Variants in ANKRD28 observed in about 807,000 individuals in gnomAD.
ANKRD28 encodes the protein serine/threonine-protein phosphatase 6 regulatory ankyrin repeat subunit A.
Under a neutral mutation model 126.5 loss-of-function variants are expected in ANKRD28, and 44 were observed. The ratio of observed to expected loss-of-function variants is 0.35; its 90% confidence interval spans 0.27 to 0.45. The LOEUF (loss-of-function observed/expected upper bound fraction) is 0.45. Ranked by LOEUF, ANKRD28 falls within the 20% of genes least tolerant of loss-of-function variation. The pLI is 1.00. For synonymous variants in ANKRD28, 442 were observed against 468.5 expected, an observed-to-expected ratio of 0.94 and a Z score of 0.73; for missense variants, 1,110 against 1,316.6, an observed-to-expected ratio of 0.84 and a Z score of 2.43.
At chr3:15,741,697 C>CTTT (rs58655271) in intron 4 of ANKRD28, among the ~76,000 whole-genome samples, 4 of 33,662 alleles carry the variant, frequency 1.2e-4, no homozygotes, top group African/African-American at 1.8e-4. Flanking sequence ...TGGTTCTATC[C>CTTT]TTTTTTTTTT....
intron 14 of ANKRD28, among the ~76,000 whole-genome samples, chr3:15,700,208 T>C (rs1442358120): frequency 1.3e-5 from 2 of 151,968 alleles, no homozygotes; most frequent in Non-Finnish European, 2.9e-5. Context: ...AGGGGAACAT[T>C]ACACACACAA....
chr3:15,821,992 A>G (rs2125912943), intron 1 of ANKRD28, among the ~76,000 whole-genome samples: 1 of 152,344 alleles, frequency 6.6e-6, no homozygotes, highest in Admixed American at 6.5e-5. Flanking sequence ...GGGGCAAACA[A>G]TAAACATCTA....
At chr3:15,678,173 A>G (rs2067154207) in intron 24 of ANKRD28, 36 bp downstream of exon 24, 1 of 1,568,164 alleles carries the variant, frequency 6.4e-7, no homozygotes, top group Non-Finnish European at 8.6e-7. Flanking sequence ...TGATACACAT[A>G]CTTAGGAAAA....
At chr3:15,694,573 C>A (rs1397350607) in intron 17 of ANKRD28, among the ~76,000 whole-genome samples, 166 bp downstream of exon 17, 2 of 149,764 alleles carry the variant, frequency 1.3e-5, no homozygotes, top group African/African-American at 4.9e-5. Context: ...AAACCCAGCA[C>A]ATTAAGTAAT....
chr3:15,714,983 C>T (rs1484455955), intron 8 of ANKRD28, among the ~76,000 whole-genome samples: 1 of 152,090 alleles, frequency 6.6e-6, no homozygotes, highest in African/African-American at 2.4e-5. Context: ...TGAATCCTTC[C>T]TTGACCAAGT....
intron 14 of ANKRD28, among the ~76,000 whole-genome samples, chr3:15,703,877 A>G (rs1272599480): frequency 6.6e-6 from 1 of 152,218 alleles, no homozygotes; most frequent in African/African-American, 2.4e-5. Context: ...ATATACCAGG[A>G]CTTCAACTTT....
intron 13 of ANKRD28, among the ~76,000 whole-genome samples, chr3:15,708,653 T>C (rs1440547148): frequency 6.6e-6 from 1 of 152,184 alleles, no homozygotes; most frequent in African/African-American, 2.4e-5. Flanking sequence ...AAATTAGCTA[T>C]AAAAATATTG....
At chr3:15,692,860 C>G (rs1346332824) in intron 17 of ANKRD28, among the ~76,000 whole-genome samples, 1 of 152,072 alleles carries the variant, frequency 6.6e-6, no homozygotes, top group African/African-American at 2.4e-5. Context: ...AGAAAGCAAC[C>G]CAGCATCTAT....
chr3:15,814,410 T>A lies in ANKRD28; in HGVS notation c.28-19104A>T. The A allele has an allele frequency of 2.1e-6, 1 of 471,544 alleles. No individual in the cohort carries two copies. The highest frequency in any genetic ancestry group is 3.2e-6 in the Non-Finnish European group (1 of 314,860). The allele number at this position is 471,544 out of a possible 1,614,324, so 29.2% of individuals were successfully genotyped here. On this transcript the variant is annotated intron_variant, in intron 1 of 27. Coordinates refer to the ANKRD28 transcript ENST00000399451. The surrounding 1 kb of genome is among the most constrained non-coding windows in gnomAD (Gnocchi z 4.7). ...CTAGTACCTTAACAAAACATTGAAT[T>A]ATTGGATAATATTCAAAAACTTACT...
intron 8 of ANKRD28, among the ~76,000 whole-genome samples, chr3:15,719,393 C>T (rs973275975): frequency 6.6e-6 from 1 of 151,986 alleles, no homozygotes; most frequent in Non-Finnish European, 1.5e-5. Context: ...CTTCATACCA[C>T]CAGATACAGT....
At chr3:15,723,667 A>G (rs1292929001) in intron 7 of ANKRD28, among the ~76,000 whole-genome samples, 2 of 152,158 alleles carry the variant, frequency 1.3e-5, no homozygotes, top group Non-Finnish European at 1.5e-5. Flanking sequence ...GCTATTCAGG[A>G]GGCTTAGGTG....
chr3:15,807,007 A>G (rs975618414), intron 1 of ANKRD28, among the ~76,000 whole-genome samples: 1 of 152,246 alleles, frequency 6.6e-6, no homozygotes, highest in Non-Finnish European at 1.5e-5. Flanking sequence ...AGGTGGCTTT[A>G]GGGTGACTGA....
intron 2 of ANKRD28, among the ~76,000 whole-genome samples, chr3:15,794,893 G>T (rs1212006796): frequency 6.6e-6 from 1 of 152,174 alleles, no homozygotes; most frequent in Non-Finnish European, 1.5e-5. Context: ...TGTAAAAGTT[G>T]TATATTAATA....
At chr3:15,690,495 A>T (rs1033384049) in intron 17 of ANKRD28, among the ~76,000 whole-genome samples, 1 of 152,218 alleles carries the variant, frequency 6.6e-6, no homozygotes, top group Non-Finnish European at 1.5e-5. Context: ...CTCACGGCAG[A>T]CATTCAATGG....
chr3:15,702,412 A>C (rs2070749477), intron 14 of ANKRD28, among the ~76,000 whole-genome samples: 1 of 152,214 alleles, frequency 6.6e-6, no homozygotes, highest in Non-Finnish European at 1.5e-5. Flanking sequence ...TGTTCATTTT[A>C]TGAAACGCAG....
At position 15,797,574 on chromosome 3, in the gene ANKRD28, G is replaced by GA. The variant is rs2060334558; in HGVS notation, c.-1054_-1053insT. 6 of 984,824 alleles carry GA rather than the reference G, an allele frequency of 6.1e-6. No individual in the cohort carries two copies. The highest frequency in any genetic ancestry group is 7.2e-6 in the Non-Finnish European group (6 of 829,788). The allele number at this position is 984,824 out of a possible 1,614,324, so 61.0% of individuals were successfully genotyped here. On this transcript the variant is annotated 5_prime_UTR_variant, in exon 1 of 28. An upstream open reading frame in the 5' UTR loses its in-frame stop. Transcript: ENST00000683139. ...TGTTTTCTTTAAAAAAAAAAAGGGGGGGGAAAAACATAGTAGTGTATCATT... is the reference window on the plus strand; with the variant it reads ...TGTTTTCTTTAAAAAAAAAAAGGGGGAGGGAAAAACATAGTAGTGTATCATT...
chr3:15,727,630 CA>C (rs1341981681), intron 6 of ANKRD28, among the ~76,000 whole-genome samples: 6 of 145,254 alleles, frequency 4.1e-5, no homozygotes. Flanking sequence ...GGGAGGAGGT[CA>C]AAGTATTATT....
At chr3:15,847,716 C>T (rs1018729476) in intron 1 of ANKRD28, among the ~76,000 whole-genome samples, 13 of 152,216 alleles carry the variant, frequency 8.5e-5, no homozygotes, top group Non-Finnish European at 1.6e-4. Context: ...GGAATCCATC[C>T]CTTTTGCCAG....
chr3:15,693,617 C>T (rs911996105), intron 17 of ANKRD28, among the ~76,000 whole-genome samples: 2 of 152,130 alleles, frequency 1.3e-5, no homozygotes, highest in Non-Finnish European at 2.9e-5. Flanking sequence ...GCTGCTGCTG[C>T]TGCTGCTGCT....
Sources: allele counts gnomAD v4.1 joint callset (sites outside exome capture counted in the v4.1 genomes callset), GRCh38; gene constraint gnomAD v4.1.1; non-coding constraint Gnocchi (gnomAD v3.1); transcripts MANE v1.5; gene names NCBI Gene and HGNC (gene_info 2026-07-23, HGNC 2026-07-21).